Variants in UST observed in about 807,000 individuals in gnomAD.
The protein encoded by UST is uronyl 2-sulfotransferase.
Under a neutral mutation model 45.6 loss-of-function variants are expected in UST, and 21 were observed. The ratio of observed to expected loss-of-function variants is 0.46; its 90% confidence interval spans 0.33 to 0.66. UST has a LOEUF of 0.66. Ranked by LOEUF, UST falls within the 30% of genes least tolerant of loss-of-function variation. The pLI is 0.02. For synonymous variants in UST, 215 were observed against 200.6 expected, an observed-to-expected ratio of 1.07 and a Z score of -0.61; for missense variants, 463 against 512.4, an observed-to-expected ratio of 0.90 and a Z score of 0.93.
At chr6:148,863,484 C>A (rs1176882298) in intron 1 of UST, among the ~76,000 whole-genome samples, 7 of 152,196 alleles carry the variant, frequency 4.6e-5, no homozygotes, top group Non-Finnish European at 1.0e-4. Context: ...TACTGATTGT[C>A]TGAAGCCTTC....
chr6:148,789,287 C>T (rs977772003), intron 1 of UST, among the ~76,000 whole-genome samples: 4 of 152,110 alleles, frequency 2.6e-5, no homozygotes, highest in Admixed American at 2.0e-4. Context: ...TCAGCAGCAT[C>T]AGCATCACCT....
At chr6:148,872,826 C>G (rs1183659343) in intron 1 of UST, among the ~76,000 whole-genome samples, 1 of 152,178 alleles carries the variant, frequency 6.6e-6, no homozygotes, top group Non-Finnish European at 1.5e-5. Context: ...CGTCACATCT[C>G]TTTCTCCCAC....
intron 3 of UST, among the ~76,000 whole-genome samples, chr6:148,942,883 G>A (rs903558402): frequency 6.6e-6 from 1 of 152,120 alleles, no homozygotes; most frequent in Non-Finnish European, 1.5e-5. Flanking sequence ...TTACCAGCAC[G>A]AATAGTTAAA....
chr6:148,780,124 T>C (rs1776615090), intron 1 of UST, among the ~76,000 whole-genome samples: 1 of 146,208 alleles, frequency 6.8e-6, no homozygotes, highest in Admixed American at 6.7e-5. Context: ...TGTGTGTATA[T>C]ATATACACAC....
intron 5 of UST, among the ~76,000 whole-genome samples, chr6:148,978,609 G>A (rs887082908): frequency 1.7e-4 from 26 of 152,218 alleles, no homozygotes; most frequent in African/African-American, 5.5e-4. Flanking sequence ...ACTCATAAGT[G>A]GGAGTTGAAC....
intron 5 of UST, among the ~76,000 whole-genome samples, chr6:149,014,117 A>G (rs1775860284): frequency 1.3e-5 from 2 of 152,144 alleles, no homozygotes; most frequent in South Asian, 4.1e-4. Flanking sequence ...GAGTGAGGAG[A>G]AGGAGGCAGG....
intron 1 of UST, among the ~76,000 whole-genome samples, chr6:148,768,190 G>A (rs1776354553): frequency 6.6e-6 from 1 of 152,100 alleles, no homozygotes; most frequent in Non-Finnish European, 1.5e-5. Flanking sequence ...CATTTGATTG[G>A]TGAAAATGAT....
At chr6:148,983,042 C>A (rs1781168592) in intron 5 of UST, among the ~76,000 whole-genome samples, 1 of 152,146 alleles carries the variant, frequency 6.6e-6, no homozygotes, top group African/African-American at 2.4e-5. Flanking sequence ...AATTTATTTG[C>A]AAAGCCATAT....
At chr6:148,751,090 G>A (rs915837409) in intron 1 of UST, among the ~76,000 whole-genome samples, 5 of 152,198 alleles carry the variant, frequency 3.3e-5, no homozygotes, top group African/African-American at 1.2e-4. Flanking sequence ...GAGAATTTGA[G>A]AACCATTGTT....
At chr6:148,937,399 C>T (rs17080218) in intron 2 of UST, among the ~76,000 whole-genome samples, 19,127 of 152,200 alleles carry the variant, frequency 0.13, 1,498 homozygotes, top group South Asian at 0.18. Flanking sequence ...CTTATAGACG[C>T]GTTCTTTTTA....
At chr6:148,795,721 G>A (rs1021466743) in intron 1 of UST, among the ~76,000 whole-genome samples, 12 of 152,180 alleles carry the variant, frequency 7.9e-5, no homozygotes, top group Middle Eastern at 3.4e-3. Flanking sequence ...CTGAGATGAC[G>A]TATTTTTGCC....
intron 5 of UST, chr6:149,005,548 T>C: frequency 1.0e-6 from 1 of 985,444 alleles, no homozygotes; most frequent in African/African-American, 1.7e-5. Context: ...TTTCATTCCT[T>C]CCACAAGCTT....
intron 1 of UST, among the ~76,000 whole-genome samples, chr6:148,764,608 G>T (rs538246176): frequency 6.6e-6 from 1 of 152,232 alleles, no homozygotes; most frequent in Admixed American, 6.5e-5. Context: ...TTTAAAGCTG[G>T]GTGTCCGGAG....
chr6:148,754,197 T>TG (rs1221616658), intron 1 of UST, among the ~76,000 whole-genome samples: 2 of 152,006 alleles, frequency 1.3e-5, no homozygotes, highest in Admixed American at 1.3e-4. Flanking sequence ...GGGGTTTCAC[T>TG]GTGTTAGCCA....
At chr6:148,779,112 ATTT>A (rs140936430) in intron 1 of UST, among the ~76,000 whole-genome samples, 1 of 138,314 alleles carries the variant, frequency 7.2e-6, no homozygotes. Context: ...TTTGTGGCAC[ATTT>A]TTTTTTTTTT....
intron 1 of UST, among the ~76,000 whole-genome samples, chr6:148,874,170 A>G (rs967848170): frequency 6.6e-6 from 1 of 152,218 alleles, no homozygotes; most frequent in African/African-American, 2.4e-5. Context: ...TTGATACTCC[A>G]TTTCTACCTG....
intron 5 of UST, among the ~76,000 whole-genome samples, chr6:148,999,139 C>A (rs1024588885): frequency 2.6e-5 from 4 of 152,170 alleles, no homozygotes; most frequent in Non-Finnish European, 2.9e-5. Context: ...ATATCTTTAT[C>A]TATATGAACA....
intron 7 of UST, among the ~76,000 whole-genome samples, chr6:149,023,134 GTGTGTGTGTGT>G (rs1374584032): frequency 1.3e-5 from 2 of 150,084 alleles, no homozygotes; most frequent in African/African-American, 2.5e-5. Context: ...GTGTGTGTGT[GTGTGTGTGTGT>G]GTGTGGTGTG....
At chr6:148,778,201 G>C (rs984264113) in intron 1 of UST, among the ~76,000 whole-genome samples, 2 of 152,238 alleles carry the variant, frequency 1.3e-5, no homozygotes, top group East Asian at 1.9e-4. Context: ...AAGAATAGAG[G>C]TATAGCCTCC....
Sources: allele counts gnomAD v4.1 joint callset (sites outside exome capture counted in the v4.1 genomes callset), GRCh38; gene constraint gnomAD v4.1.1; transcripts MANE v1.5; gene names NCBI Gene and HGNC (gene_info 2026-07-23, HGNC 2026-07-21).